RNF170: variants seen among roughly 807,000 people sequenced by gnomAD.
The protein encoded by RNF170 is ring finger protein 170.
In RNF170, 12 loss-of-function variants were observed where a neutral mutation model predicts 32.7. The observed-to-expected ratio is 0.37, with a 90% CI of 0.24 to 0.60. The LOEUF (loss-of-function observed/expected upper bound fraction) is 0.60, where lower values mean the gene tolerates loss of function less well. Ranked by LOEUF, RNF170 falls within the 20% of genes least tolerant of loss-of-function variation. The probability of loss-of-function intolerance (pLI) is 0.72; values close to 1 mark genes in which losing one functional copy is unlikely to be tolerated. For missense variants in RNF170, 212 were observed against 311.2 expected (o/e 0.68, Z 2.40); for synonymous variants, 91 against 103.6 (o/e 0.88, Z 0.74).
intron 1 of RNF170, 41 bp downstream of exon 1, chr8:42,896,443 G>A (rs956141407): frequency 4.4e-5 from 20 of 452,852 alleles, no homozygotes; most frequent in Non-Finnish European, 8.4e-5. Flanking sequence ...GGCTCCGCGG[G>A]CCCCGATAGG....
At chr8:42,872,205 G>A (rs1292673662) in intron 3 of RNF170, among the ~76,000 whole-genome samples, 1 of 152,178 alleles carries the variant, frequency 6.6e-6, no homozygotes, top group African/African-American at 2.4e-5. Context: ...AGACCTGGAA[G>A]ATTCTCCTCA....
At chr8:42,872,143 T>C (rs1804568741) in intron 3 of RNF170, among the ~76,000 whole-genome samples, 3 of 152,210 alleles carry the variant, frequency 2.0e-5, no homozygotes, top group Admixed American at 6.5e-5. Context: ...CTGAGAGCTG[T>C]GTGCTGGGCC....
At chr8:42,874,445 A>G (rs1804758456) in intron 2 of RNF170, among the ~76,000 whole-genome samples, 1 of 152,224 alleles carries the variant, frequency 6.6e-6, no homozygotes, top group Non-Finnish European at 1.5e-5. Context: ...TTTAATGTAG[A>G]AAAGCCAAAA....
At chr8:42,869,979 C>T (rs981805856) in intron 4 of RNF170, 25 bp downstream of exon 4, 2 of 1,542,936 alleles carry the variant, frequency 1.3e-6, no homozygotes, top group African/African-American at 2.7e-5. Context: ...AGTCACTTTT[C>T]CCAAGTATAG....
At position 42,886,919 on chromosome 8, in the gene RNF170, T is replaced by G. The variant is rs139668867; in HGVS notation, c.137+809A>C. On this transcript the variant is annotated intron_variant, in intron 2 of 6. Coordinates refer to ENST00000527424, the MANE Select transcript of RNF170 (RefSeq NM_030954.4). Reference sequence around the variant, plus strand: ...GTGTAATCCCAGCACTTTGGGAGGCTGAGTCGGGTGGTTCACTTGAGGTCA... The same window carrying G: ...GTGTAATCCCAGCACTTTGGGAGGCGGAGTCGGGTGGTTCACTTGAGGTCA... 9.6e-3 allele frequency among the ~76,000 whole-genome samples: 1,454 copies of G among 152,210 alleles called. 34 individuals are homozygous for G. Among genetic ancestry groups the G allele is most frequent in the South Asian group, 0.05 (243 of 4,814 alleles).
At chr8:42,873,906 C>A in intron 3 of RNF170, 25 bp downstream of exon 3, 1 of 1,308,912 alleles carries the variant, frequency 7.6e-7, no homozygotes, top group Non-Finnish European at 1.1e-6. Flanking sequence ...CACATCTACT[C>A]CTCAAATAAA....
At chr8:42,852,787 C>T (rs148178810), downstream of RNF170, among the ~76,000 whole-genome samples, 188 of 152,106 alleles carry the variant, frequency 1.2e-3, no homozygotes, top group African/African-American at 4.4e-3. Flanking sequence ...AAAACATCTC[C>T]GTGACTAAAT....
rs541650996 is a variant in RNF170, at chr8:42,876,657, G to GTT, written c.138-2653_138-2652dup. Reference sequence around the variant, plus strand: ...TCTATGGTTATTTGTTTTTTTGTGGGTTTTTTTTTTTTTTTTTTTTGAGAC... The same window carrying GTT: ...TCTATGGTTATTTGTTTTTTTGTGGGTTTTTTTTTTTTTTTTTTTTTTGAGAC... On this transcript the variant is annotated intron_variant, in intron 2 of 6. Coordinates refer to ENST00000527424, the MANE Select transcript of RNF170 (RefSeq NM_030954.4). Among the ~76,000 whole-genome samples, 507 of 122,980 alleles carry GTT rather than the reference G, an allele frequency of 4.1e-3. 12 individuals carry two copies. Among genetic ancestry groups the GTT allele is most frequent in the African/African-American group, 0.011 (339 of 31,138 alleles). The allele number at this position is 122,980 out of a possible 152,430, so 80.7% of individuals were successfully genotyped here.
downstream of RNF170, chr8:42,851,026 A>T (rs1346767316): frequency 9.7e-6 from 15 of 1,549,032 alleles, no homozygotes; most frequent in Non-Finnish European, 1.2e-5. Context: ...ATGACCTTTT[A>T]AAAATGTTTG....
chr8:42,896,424 G>T (rs1345450959), intron 1 of RNF170, 60 bp downstream of exon 1: 1 of 451,828 alleles, frequency 2.2e-6, no homozygotes, highest in African/African-American at 2.0e-5. Flanking sequence ...GCCAGACCCC[G>T]CCGTCCGCGG....
At chr8:42,895,460 C>T (rs569164150) in intron 1 of RNF170, among the ~76,000 whole-genome samples, 2 of 152,276 alleles carry the variant, frequency 1.3e-5, no homozygotes, top group East Asian at 1.9e-4. Flanking sequence ...AGCTTTGTTG[C>T]ACTCCAAATA....
At chr8:42,857,097 C>A (rs1344828232) in intron 6 of RNF170, among the ~76,000 whole-genome samples, 4 of 152,190 alleles carry the variant, frequency 2.6e-5, no homozygotes, top group Non-Finnish European at 5.9e-5. Flanking sequence ...TCTGGTGAAT[C>A]ACTTCCTCTG....
At chr8:42,873,277 C>A (rs11987761) in intron 3 of RNF170, among the ~76,000 whole-genome samples, 4 of 151,182 alleles carry the variant, frequency 2.6e-5, no homozygotes, top group African/African-American at 9.7e-5. Context: ...CATAGTGAGA[C>A]CCTGTCTCTT....
chr8:42,896,495 G>T lies in RNF170; in HGVS notation c.-19C>A, dbSNP rs1019476932. The T allele has an allele frequency of 2.2e-6, 1 of 453,856 alleles. No homozygotes were observed. Among genetic ancestry groups the T allele is most frequent in the Non-Finnish European group, 4.4e-6 (1 of 226,734 alleles). 28.1% of individuals were successfully genotyped at this position (453,856 alleles called of 1,614,324 possible). The stretch of plus-strand genomic sequence containing the variant: ...CGCGCCGGACGTACCTCTCCACCGC[G>T]AAGGAACTACCTCGCCAGTTCCCGG... On this transcript the variant is annotated 5_prime_UTR_variant, in exon 1 of 7. Coordinates refer to ENST00000527424, the MANE Select transcript of RNF170 (RefSeq NM_030954.4).
intron 1 of RNF170, 28 bp downstream of exon 1, chr8:42,896,456 G>A (rs1431647434): frequency 2.2e-6 from 1 of 453,780 alleles, no homozygotes; most frequent in African/African-American, 2.0e-5. Flanking sequence ...CCGATAGGGT[G>A]GGCGTGGCCG....
chr8:42,873,557 A>C (rs188898480), intron 3 of RNF170, among the ~76,000 whole-genome samples: 14 of 152,284 alleles, frequency 9.2e-5, no homozygotes, highest in East Asian at 1.9e-4. Flanking sequence ...AGAAAAAAAA[A>C]CAAAAAACAA....
chr8:42,887,040 C>T (rs1171532232), intron 2 of RNF170, among the ~76,000 whole-genome samples: 2 of 152,100 alleles, frequency 1.3e-5, no homozygotes, highest in African/African-American at 2.4e-5. Context: ...AGCCTGTAAT[C>T]CCAGCACTTT....
intron 6 of RNF170, among the ~76,000 whole-genome samples, chr8:42,860,686 G>A (rs1363720136): frequency 1.3e-5 from 2 of 151,164 alleles, no homozygotes; most frequent in African/African-American, 2.4e-5. Flanking sequence ...GCCTCCCAAA[G>A]TGCTGGGATT....
upstream of RNF170, chr8:42,896,704 G>A (rs1411950093): frequency 9.7e-6 from 3 of 309,128 alleles, no homozygotes; most frequent in African/African-American, 6.8e-5. Flanking sequence ...GCGCGTGCTC[G>A]CCTCGACACG....
Sources: allele counts gnomAD v4.1 joint callset (sites outside exome capture counted in the v4.1 genomes callset), GRCh38; gene constraint gnomAD v4.1.1; transcripts MANE v1.5; gene names NCBI Gene and HGNC (gene_info 2026-07-23, HGNC 2026-07-21).